Variants in ZDHHC14 observed in about 807,000 individuals in gnomAD.
ZDHHC14 encodes palmitoyltransferase ZDHHC14.
ZDHHC14 carries 16 observed loss-of-function variants against 47.7 expected under a neutral mutation model. The observed-to-expected ratio is 0.34, with a 90% confidence interval of 0.23 to 0.51. The LOEUF (loss-of-function observed/expected upper bound fraction) is 0.51. ZDHHC14 is among the 20% of genes least tolerant of loss of function. The pLI, the probability that ZDHHC14 is intolerant of heterozygous loss-of-function variation, is 0.97. For synonymous variants in ZDHHC14, 293 were observed against 278.9 expected (o/e 1.05, Z -0.50); for missense variants, 515 against 662.5 (o/e 0.78, Z 2.44).
chr6:157,485,921 G>C (rs149077847), intron 1 of ZDHHC14, among the ~76,000 whole-genome samples: 5,243 of 152,320 alleles, frequency 0.034, 147 homozygotes, highest in Non-Finnish European at 0.055. Context: ...GCTGAGGCTG[G>C]AGAATTGCTT....
At chr6:157,458,634 C>G (rs1778985099) in intron 1 of ZDHHC14, among the ~76,000 whole-genome samples, 1 of 151,934 alleles carries the variant, frequency 6.6e-6, no homozygotes, top group African/African-American at 2.4e-5. Context: ...CTGTGGGGCT[C>G]CTGCAAGGGA....
In ZDHHC14 at chr6:157,593,373, G is replaced by T. The variant is rs550125034; in HGVS notation, c.565+227G>T. On this transcript the variant is annotated intron_variant, in intron 3 of 8. Coordinates refer to ENST00000359775, the MANE Select transcript of ZDHHC14 (RefSeq NM_024630.3). ...AGGGCCTCCCCCAGCACAGGCACGA[G>T]AATGGGGTCCTCTGTCTCCCCAGGC... 1.6e-4 allele frequency among the ~76,000 whole-genome samples: 24 copies of T among 152,314 alleles called. 1 individual carries two copies. The South Asian group carries it at 3.9e-3, about 25-fold the overall frequency.
At chr6:157,552,234 A>G (rs1480856004) in intron 2 of ZDHHC14, among the ~76,000 whole-genome samples, 1 of 152,184 alleles carries the variant, frequency 6.6e-6, no homozygotes, top group Non-Finnish European at 1.5e-5. Context: ...ATAAAGCAAG[A>G]TGATGGAACG....
At chr6:157,461,975 A>T (rs113175421) in intron 1 of ZDHHC14, among the ~76,000 whole-genome samples, 4 of 152,194 alleles carry the variant, frequency 2.6e-5, no homozygotes, top group African/African-American at 9.6e-5. Flanking sequence ...TTGTAAAAAA[A>T]TTTTTTAAAC....
In ZDHHC14 at chr6:157,502,120, C is replaced by T. The variant is rs1780206860; in HGVS notation, c.246-40465C>T. On this transcript the variant is annotated intron_variant, in intron 1 of 8. Coordinates refer to ENST00000359775, the MANE Select transcript of ZDHHC14 (RefSeq NM_024630.3). The surrounding 1 kb of genome is among the most constrained non-coding windows in gnomAD (Gnocchi z 4.0). ...TGAGAAGTTAATTGAATCTCAGAGA[C>T]AGTAGATGTCTTTCTCAGGGCCCAC... Among the ~76,000 whole-genome samples the T allele has an allele frequency of 6.6e-6, 1 of 152,330 alleles. No individual in the cohort carries two copies. The highest frequency in any genetic ancestry group is 2.4e-5 in the African/African-American group (1 of 41,578).
At chr6:157,583,791 T>G (rs1417956155) in intron 2 of ZDHHC14, among the ~76,000 whole-genome samples, 1 of 152,128 alleles carries the variant, frequency 6.6e-6, no homozygotes, top group East Asian at 1.9e-4. Context: ...TTATATTCTG[T>G]CCTCAGCTTG....
intron 1 of ZDHHC14, among the ~76,000 whole-genome samples, chr6:157,386,399 C>T (rs1562405198): frequency 6.6e-6 from 1 of 152,080 alleles, no homozygotes; most frequent in African/African-American, 2.4e-5. Context: ...TTGTGTGAGT[C>T]CAGGGAACCT....
intron 1 of ZDHHC14, among the ~76,000 whole-genome samples, chr6:157,507,631 G>A (rs1389501143): frequency 6.6e-6 from 1 of 152,138 alleles, no homozygotes; most frequent in Non-Finnish European, 1.5e-5. Context: ...CAACAGCTCT[G>A]TAAAAATATG....
intron 8 of ZDHHC14, among the ~76,000 whole-genome samples, chr6:157,656,233 G>C (rs2114996244): frequency 6.6e-6 from 1 of 152,346 alleles, no homozygotes; most frequent in Admixed American, 6.5e-5. Context: ...GGCTGTGATG[G>C]AAGGGTTGTT....
chr6:157,639,980 C>T (rs1245683676), intron 5 of ZDHHC14, among the ~76,000 whole-genome samples: 1 of 152,184 alleles, frequency 6.6e-6, no homozygotes, highest in Non-Finnish European at 1.5e-5. Flanking sequence ...AGCTGCTTAT[C>T]AATGAGAATG....
intron 1 of ZDHHC14, among the ~76,000 whole-genome samples, chr6:157,432,379 C>T (rs989387350): frequency 1.3e-5 from 2 of 152,056 alleles, no homozygotes; most frequent in South Asian, 2.1e-4. Flanking sequence ...GCAGTGCAGT[C>T]GGAGGCTGTG....
chr6:157,581,594 G>C (rs929272151), intron 2 of ZDHHC14, among the ~76,000 whole-genome samples: 1 of 152,008 alleles, frequency 6.6e-6, no homozygotes, highest in African/African-American at 2.4e-5. Context: ...TATTAATCTA[G>C]GTGCTCCTGT....
intron 1 of ZDHHC14, among the ~76,000 whole-genome samples, chr6:157,533,640 C>T (rs1054586363): frequency 6.6e-6 from 1 of 152,104 alleles, no homozygotes; most frequent in Non-Finnish European, 1.5e-5. Flanking sequence ...TTTGTAGCCT[C>T]GGCAAGTACC....
At chr6:157,634,582 G>A (rs372184882) in intron 5 of ZDHHC14, among the ~76,000 whole-genome samples, 169 of 152,330 alleles carry the variant, frequency 1.1e-3, no homozygotes, top group African/African-American at 4.0e-3. Flanking sequence ...ACAAGGAACC[G>A]TTTGTGTCAT....
intron 1 of ZDHHC14, among the ~76,000 whole-genome samples, chr6:157,539,322 G>T (rs1323498367): frequency 6.6e-6 from 1 of 152,024 alleles, no homozygotes; most frequent in East Asian, 1.9e-4. Flanking sequence ...AGAATCTCTT[G>T]AGCCCCAGGA....
At chr6:157,436,948 G>T (rs1033308156) in intron 1 of ZDHHC14, among the ~76,000 whole-genome samples, 1 of 152,116 alleles carries the variant, frequency 6.6e-6, no homozygotes, top group Non-Finnish European at 1.5e-5. Context: ...GTGGAAGGTG[G>T]TGGGGATTGG....
chr6:157,480,117 T>C (rs1779586898), intron 1 of ZDHHC14, among the ~76,000 whole-genome samples: 1 of 152,162 alleles, frequency 6.6e-6, no homozygotes, highest in African/African-American at 2.4e-5. Flanking sequence ...GGGCTCAGCG[T>C]TGGACCAAGA....
intron 2 of ZDHHC14, among the ~76,000 whole-genome samples, chr6:157,557,184 C>A (rs191371550): frequency 6.6e-6 from 1 of 152,160 alleles, no homozygotes; most frequent in Non-Finnish European, 1.5e-5. Flanking sequence ...ATTGCACCTG[C>A]GGGCCTAGCA....
intron 1 of ZDHHC14, among the ~76,000 whole-genome samples, chr6:157,405,497 G>T (rs1777735992): frequency 6.6e-6 from 1 of 152,154 alleles, no homozygotes; most frequent in Non-Finnish European, 1.5e-5. Context: ...CTCCCAAAGT[G>T]CTGGGATTAC....
Sources: allele counts gnomAD v4.1 joint callset (sites outside exome capture counted in the v4.1 genomes callset), GRCh38; gene constraint gnomAD v4.1.1; non-coding constraint Gnocchi (gnomAD v3.1); transcripts MANE v1.5; gene names NCBI Gene and HGNC (gene_info 2026-07-23, HGNC 2026-07-21).